The following GPHN variants were observed in gnomAD, a reference collection of about 807,000 sequenced individuals.
GPHN encodes the protein gephyrin.
Under a neutral mutation model 95.5 loss-of-function variants are expected in GPHN, and 17 were observed. The ratio of observed to expected loss-of-function variants is 0.18; its 90% CI spans 0.12 to 0.27. The LOEUF is 0.27. GPHN is among the 10% of genes least tolerant of loss of function. GPHN has a pLI of 1.00. For missense variants in GPHN, 660 were observed against 978.1 expected (o/e 0.67, Z 4.34); for synonymous variants, 320 against 322.5 (o/e 0.99, Z 0.08).
Position 66,922,289 on chromosome 14 carries a change from A to T in GPHN, c.457-377A>T, listed in dbSNP as rs367863762. ...AGTGTATGTTTTTTTTTTTTTTGTC[A>T]CTGTAACTATTTTTATTACATCACA... On this transcript the variant is annotated intron_variant, in intron 6 of 22. Coordinates refer to ENST00000478722, the MANE Select transcript of GPHN (RefSeq NM_020806.5). 3.1e-3 allele frequency among the ~76,000 whole-genome samples: 461 copies of T among 149,024 alleles called. 11 individuals are homozygous for T. Among genetic ancestry groups the T allele is most frequent in the African/African-American group, 0.011 (436 of 40,652 alleles).
At chr14:67,444,722 C>T in the GPHN span, among the ~76,000 whole-genome samples, 1 of 152,142 alleles carries the variant, frequency 6.6e-6, no homozygotes, top group Non-Finnish European at 1.5e-5. Context: ...GTCCTGACCT[C>T]CAGGGAGGGA....
the GPHN span, among the ~76,000 whole-genome samples, chr14:67,212,644 C>T: frequency 1.4e-5 from 2 of 142,804 alleles, no homozygotes; most frequent in African/African-American, 2.6e-5. Flanking sequence ...ATATATATTA[C>T]ATATATATAT....
the GPHN span, among the ~76,000 whole-genome samples, chr14:67,597,352 C>T: frequency 6.6e-6 from 1 of 152,102 alleles, no homozygotes; most frequent in South Asian, 2.1e-4. Flanking sequence ...GTGGCACATG[C>T]CTGTAGTCCC....
chr14:67,202,163 A>C, the GPHN span, among the ~76,000 whole-genome samples: 1 of 152,326 alleles, frequency 6.6e-6, no homozygotes, highest in South Asian at 2.1e-4. Flanking sequence ...ATTATAGGCC[A>C]GGCACAGCGG....
chr14:67,459,616 T>G, the GPHN span, among the ~76,000 whole-genome samples: 1 of 152,230 alleles, frequency 6.6e-6, no homozygotes, highest in African/African-American at 2.4e-5. Context: ...ACAGCTTGAT[T>G]TGAAGCTGAA....
chr14:67,582,891 T>C, the GPHN span, among the ~76,000 whole-genome samples: 1 of 151,968 alleles, frequency 6.6e-6, no homozygotes, highest in African/African-American at 2.4e-5. This position sits in a 1 kb window ranked among gnomAD's most constrained non-coding sequence, Gnocchi z 5.0. Context: ...CTCCACAGGG[T>C]TGTACTAAGT....
chr14:67,729,714 A>G, the GPHN span: 1 of 534,238 alleles, frequency 1.9e-6, no homozygotes. Flanking sequence ...CTTTTGGCTC[A>G]CTTGATTCAT....
At chr14:67,122,739 G>A (rs2079083112) in intron 17 of GPHN, among the ~76,000 whole-genome samples, 1 of 152,250 alleles carries the variant, frequency 6.6e-6, no homozygotes, top group African/African-American at 2.4e-5. Flanking sequence ...GAGAAAGAGA[G>A]ATTGTCAAAA....
chr14:67,359,827 T>G, the GPHN span: 16 of 1,050,752 alleles, frequency 1.5e-5, no homozygotes, highest in Admixed American at 6.4e-5. Context: ...CTCTTGTTGC[T>G]AAGAGGCAGC....
the GPHN span, chr14:67,676,725 G>GC: frequency 6.6e-6 from 1 of 152,186 alleles, no homozygotes; most frequent in Non-Finnish European, 1.5e-5. Context: ...TTACACTGTA[G>GC]CTAGACTCTG....
At chr14:67,596,717 A>G in the GPHN span, among the ~76,000 whole-genome samples, 1 of 152,186 alleles carries the variant, frequency 6.6e-6, no homozygotes, top group Non-Finnish European at 1.5e-5. Flanking sequence ...GTATTTGATC[A>G]GCCTGGCATG....
At chr14:66,523,640 T>A (rs1036360873) in intron 1 of GPHN, among the ~76,000 whole-genome samples, 1 of 152,126 alleles carries the variant, frequency 6.6e-6, no homozygotes, top group African/African-American at 2.4e-5. Flanking sequence ...TTTTTTCATC[T>A]GTCAAATGGA....
chr14:66,743,298 A>G (rs925592615), intron 2 of GPHN, among the ~76,000 whole-genome samples: 2 of 151,552 alleles, frequency 1.3e-5, no homozygotes, highest in Non-Finnish European at 2.9e-5. Context: ...TCTAGTCTTT[A>G]TCTACAAACT....
chr14:66,821,182 CTAAGA>C (rs745719304), intron 3 of GPHN, among the ~76,000 whole-genome samples: 10 of 152,038 alleles, frequency 6.6e-5, no homozygotes, highest in Non-Finnish European at 1.3e-4. Context: ...TCTAACTAAG[CTAAGA>C]TAAATTACTA....
At chr14:66,843,691 G>C (rs867893369) in intron 4 of GPHN, among the ~76,000 whole-genome samples, 2 of 152,048 alleles carry the variant, frequency 1.3e-5, no homozygotes, top group Middle Eastern at 6.8e-3. Flanking sequence ...CCTACATATC[G>C]TCCAAACATC....
At chr14:67,226,454 G>A in the GPHN span, among the ~76,000 whole-genome samples, 3 of 152,212 alleles carry the variant, frequency 2.0e-5, no homozygotes, top group Non-Finnish European at 4.4e-5. Context: ...TCTGCCTCCT[G>A]GGTTCAAGAG....
the GPHN span, among the ~76,000 whole-genome samples, chr14:67,320,066 G>A: frequency 6.6e-6 from 1 of 152,222 alleles, no homozygotes; most frequent in African/African-American, 2.4e-5. Context: ...ATTAATAGAA[G>A]GAGTATTATA....
intron 11 of GPHN, among the ~76,000 whole-genome samples, chr14:67,061,545 G>A (rs891982932): frequency 6.6e-6 from 1 of 152,030 alleles, no homozygotes; most frequent in South Asian, 2.1e-4. Flanking sequence ...GTCATGAAAG[G>A]CCCTTTATAA....
intron 10 of GPHN, among the ~76,000 whole-genome samples, chr14:67,043,213 A>T (rs1375253659): frequency 6.6e-6 from 1 of 152,148 alleles, no homozygotes. Flanking sequence ...CTATTTGAAT[A>T]TCCTTTATCG....
Sources: allele counts gnomAD v4.1 joint callset (sites outside exome capture counted in the v4.1 genomes callset), GRCh38; gene constraint gnomAD v4.1.1; non-coding constraint Gnocchi (gnomAD v3.1); transcripts MANE v1.5; gene names NCBI Gene and HGNC (gene_info 2026-07-23, HGNC 2026-07-21).